Variants in ARVCF observed in about 807,000 individuals in gnomAD.
ARVCF encodes the protein splicing regulator ARVCF.
ARVCF carries 66 observed loss-of-function variants against 90.9 expected under a neutral mutation model. That is an observed-to-expected ratio of 0.73 (90% CI 0.60 to 0.89). ARVCF has a LOEUF of 0.89. ARVCF is among the 40% of genes least tolerant of loss of function. The pLI, the probability that ARVCF is intolerant of heterozygous loss-of-function variation, is 0.00. For missense variants in ARVCF, 1,469 were observed against 1,382.3 expected (o/e 1.06, Z -1.00); for synonymous variants, 653 against 603.4 (o/e 1.08, Z -1.21).
chr22:19,994,955 G>A (rs1210744), intron 2 of ARVCF, among the ~76,000 whole-genome samples: 11,978 of 151,804 alleles, frequency 0.079, 1,043 homozygotes, highest in East Asian at 0.41. Context: ...TGGACAGATT[G>A]GGGAATGAGG....
chr22:19,996,418 G>GC (rs967286494), intron 2 of ARVCF, among the ~76,000 whole-genome samples: 1 of 152,194 alleles, frequency 6.6e-6, no homozygotes, highest in African/African-American at 2.4e-5. Flanking sequence ...ACGGGTGCTG[G>GC]CGTTACTCGC....
At position 19,970,384 on chromosome 22, in the gene ARVCF, TG is replaced by T. The variant is rs1417524939; in HGVS notation, c.*371del. ...TGGCGCCAGACCTGGCCCGCACCAC[TG>T]GGGCACTGTGTTCCCAGGGGCACCC... is the stretch of plus-strand genomic sequence containing the variant. On this transcript the variant is annotated 3_prime_UTR_variant, in exon 20 of 20. Transcript: ENST00000263207. 10 of 1,033,792 alleles carry T rather than the reference TG, an allele frequency of 9.7e-6. No individual in the cohort carries two copies. The highest frequency in any genetic ancestry group is 2.3e-6 in the Non-Finnish European group (2 of 857,652). The allele number at this position is 1,033,792 out of a possible 1,614,324, so 64.0% of individuals were successfully genotyped here. A position where few individuals can be genotyped will look rare whatever the true frequency, so the allele number is the denominator to read the frequency against.
rs1379399584 is a variant in ARVCF at position 19,973,292 on chromosome 22, C to T, written c.2265G>A (p.Val755=). Reference sequence around the variant, plus strand: ...GAGCCTGTGCATTGCGCACATTCCGCACAAGCTCAGCCATGGCGTAGCTCC... The same window carrying T: ...GAGCCTGTGCATTGCGCACATTCCGTACAAGCTCAGCCATGGCGTAGCTCC... ...LIGSYAMAEL[V]RNVRNAQAPP... is the part of the protein sequence containing the mutation. The change falls in exon 14 of 20, where the codon GTG becomes GTA. Residue 755 remains valine (V), a synonymous_variant. Transcript: ENST00000263207. The T allele has an allele frequency of 2.5e-6, 4 of 1,604,480 alleles. No homozygotes were observed. Among genetic ancestry groups the T allele is most frequent in the Non-Finnish European group, 2.5e-6 (3 of 1,178,306 alleles).
At position 19,970,350 on chromosome 22, in the gene ARVCF, G is replaced by A. The variant is rs1942682244; in HGVS notation, c.*406C>T. 1.1e-5 allele frequency: 11 copies of A among 1,001,216 alleles called. No individual in the cohort carries two copies. Among genetic ancestry groups the A allele is most frequent in the Non-Finnish European group, 1.3e-5 (11 of 839,116 alleles). The allele number at this position is 1,001,216 out of a possible 1,614,324, so 62.0% of individuals were successfully genotyped here. On this transcript the variant is annotated 3_prime_UTR_variant, in exon 20 of 20. Coordinates refer to ENST00000263207, the MANE Select transcript of ARVCF (RefSeq NM_001670.3). ...TTCCCAGCCCCCTCCCTGCCTAGCT[G>A]CCTGCCCCTGGCGCCAGACCTGGCC...
At chr22:20,013,801 T>A (rs1601696384) in intron 1 of ARVCF, among the ~76,000 whole-genome samples, 1 of 152,368 alleles carries the variant, frequency 6.6e-6, no homozygotes, top group East Asian at 1.9e-4. Flanking sequence ...TACTAAGGGA[T>A]CCCTGATCCC....
chr22:19,986,980 C>T, intron 3 of ARVCF: 9 of 629,286 alleles, frequency 1.4e-5, no homozygotes, highest in South Asian at 1.2e-4. Flanking sequence ...AGCGGCTCCG[C>T]GGAACAAAAG....
chr22:19,980,400 A>G, intron 5 of ARVCF, 158 bp from the exon 6 acceptor site: 1 of 1,145,528 alleles, frequency 8.7e-7, no homozygotes, highest in South Asian at 2.1e-5. Flanking sequence ...GGACACAGAG[A>G]GTCATGCACC....
In ARVCF at chr22:19,976,711, T is replaced by C. The variant is rs1194456095; in HGVS notation, c.1883A>G (p.His628Arg). The change falls in exon 10 of 20, where the codon CAC becomes CGC. Residue 628 changes from histidine (H) to arginine (R), a missense_variant. Transcript: ENST00000263207. The stretch of plus-strand genomic sequence containing the variant: ...CAGGATAAAAAGGGACTCACCTTGG[T>C]GGAACCACTCCTCTGGGAGGCCGGA... ...GGKKAKEEWF[H>R]QGKKDGEMDR... 1 of 1,560,194 alleles carries C rather than the reference T, an allele frequency of 6.4e-7. No individual in the cohort carries two copies. The highest frequency in any genetic ancestry group is 1.2e-5 in the South Asian group (1 of 84,670).
chr22:20,000,292 G>A (rs1030270584), intron 2 of ARVCF, among the ~76,000 whole-genome samples: 2 of 152,228 alleles, frequency 1.3e-5, no homozygotes, highest in South Asian at 4.1e-4. Flanking sequence ...TCCAGAGCCT[G>A]AGCTGGATGC....
chr22:20,001,637 C>G (rs1386277311), intron 2 of ARVCF, among the ~76,000 whole-genome samples: 1 of 152,080 alleles, frequency 6.6e-6, no homozygotes, highest in Non-Finnish European at 1.5e-5. Flanking sequence ...AACCCCATCT[C>G]TACTAAAGAT....
At chr22:19,966,823 C>A (rs1047882625), downstream of ARVCF, among the ~76,000 whole-genome samples, 2 of 152,192 alleles carry the variant, frequency 1.3e-5, no homozygotes, top group Admixed American at 1.3e-4. Flanking sequence ...TGGCTCCCTG[C>A]AACCTCTGTG....
intron 3 of ARVCF, among the ~76,000 whole-genome samples, chr22:19,989,376 C>T (rs199553438): frequency 2.4e-4 from 36 of 152,162 alleles, no homozygotes; most frequent in Non-Finnish European, 4.6e-4. Flanking sequence ...GGAAGCATGA[C>T]GCCTGCTGGC....
intron 9 of ARVCF, 48 bp from the exon 10 acceptor site, chr22:19,976,771 G>C (rs1601588101): frequency 1.3e-6 from 2 of 1,551,512 alleles, no homozygotes; most frequent in East Asian, 4.8e-5. Context: ...GCCTGAACAG[G>C]CAGCACTCAT....
intron 18 of ARVCF, 142 bp from the exon 19 acceptor site, chr22:19,971,477 G>C: frequency 9.3e-7 from 1 of 1,080,406 alleles, no homozygotes; most frequent in Non-Finnish European, 1.3e-6. Context: ...AGGGCGCAGG[G>C]AGCCGGAAAC....
chr22:19,974,675 G>A (rs1295722976), intron 11 of ARVCF, among the ~76,000 whole-genome samples: 1 of 151,948 alleles, frequency 6.6e-6, no homozygotes, highest in Non-Finnish European at 1.5e-5. Flanking sequence ...CCTAGCAAGA[G>A]GACCTGCTTT....
downstream of ARVCF, chr22:19,967,027 G>C (rs1285830339): frequency 8.3e-7 from 1 of 1,201,092 alleles, no homozygotes; most frequent in South Asian, 1.6e-5. Flanking sequence ...TTGCAGTGTC[G>C]GGCGACAGGC....
Position 19,975,689 on chromosome 22 carries a change from T to C in ARVCF, c.1957A>G (p.Lys653Glu), listed in dbSNP as rs759755564. Residue 653 changes from lysine to glutamate, a missense_variant, in exon 11 of 20, where the codon AAA becomes GAA. Transcript: ENST00000263207. Reference protein sequence around the residue: ...LDLPKRTEAAKGFELLYQPEV... With the variant: ...LDLPKRTEAAEGFELLYQPEV... The stretch of plus-strand genomic sequence containing the variant: ...GGCTTCATCTCAGCCCACTCACCTT[T>C]GGCGGCCTCAGTTCGCTTGGGCAGG... 2 of 1,613,646 alleles carry C rather than the reference T, an allele frequency of 1.2e-6. No homozygotes were observed. The highest frequency in any genetic ancestry group is 4.5e-5 in the East Asian group (2 of 44,876).
chr22:20,011,406 G>A lies in ARVCF; in HGVS notation c.-72-898C>T, dbSNP rs546288677. Among the ~76,000 whole-genome samples, 8 of 152,162 alleles carry A rather than the reference G, an allele frequency of 5.3e-5. No individual in the cohort carries two copies. In the East Asian group the frequency reaches 1.4e-3, roughly 26 times the overall value. On this transcript the variant is annotated intron_variant, in intron 1 of 19. Coordinates refer to ENST00000263207, the MANE Select transcript of ARVCF (RefSeq NM_001670.3). Reference sequence around the variant, plus strand: ...TGAGAGCTCTCTCCCCCGCCTCTACGGTGTTTTCTAGATTGTTCTGAGGCC... The same window carrying A: ...TGAGAGCTCTCTCCCCCGCCTCTACAGTGTTTTCTAGATTGTTCTGAGGCC...
rs1187598717 is a variant in ARVCF, at chr22:19,970,259, C to A, written c.*497G>T. On this transcript the variant is annotated 3_prime_UTR_variant, in exon 20 of 20. Coordinates refer to ENST00000263207, the MANE Select transcript of ARVCF (RefSeq NM_001670.3). ...GGGCTGGGCCTTGTGGGGCACCCCC[C>A]ACACCGTGGTCTGCCTGCCTGCAGG... 2.0e-6 allele frequency: 2 copies of A among 992,434 alleles called. No homozygotes were observed. The highest frequency in any genetic ancestry group is 2.4e-6 in the Non-Finnish European group (2 of 833,830). 61.5% of individuals were successfully genotyped at this position (992,434 alleles called of 1,614,324 possible).
Sources: gnomAD v4.1 joint callset for allele counts (sites outside exome capture counted in the v4.1 genomes callset) on GRCh38, gnomAD v4.1.1 for gene constraint, MANE v1.5 for transcripts, NCBI Gene and HGNC (gene_info 2026-07-23, HGNC 2026-07-21) for gene names.